The following PUDP variants were observed in gnomAD, a reference collection of about 807,000 sequenced individuals.
PUDP encodes the protein pseudouridine-5'-phosphatase.
PUDP carries 8 observed loss-of-function variants against 9.4 expected under a neutral mutation model. That is an observed-to-expected ratio of 0.85 (90% CI 0.50 to 1.53). The LOEUF is 1.53. Among genes scored for constraint, PUDP ranks in the 40% most tolerant of loss-of-function variants. The pLI, the probability that PUDP is intolerant of heterozygous loss-of-function variation, is 0.00. For synonymous variants in PUDP, 99 were observed against 80.7 expected (o/e 1.23, Z -1.22); for missense variants, 188 against 189.7 (o/e 0.99, Z 0.05).
Position 6,728,590 on chromosome X carries a change from T to C in PUDP, c.*248-22124A>G, listed in dbSNP as rs1305908425. 8.0e-5 allele frequency among the ~76,000 whole-genome samples: 9 copies of C among 112,083 alleles called. No homozygotes were observed. The East Asian group carries it at 2.2e-3, about 28-fold the overall frequency. Reference sequence around the variant, plus strand: ...CAGGGCACAAAGGGATTATGTGACTTGCCGAAAGTCACGTAGGCAGTGAGA... The same window carrying C: ...CAGGGCACAAAGGGATTATGTGACTCGCCGAAAGTCACGTAGGCAGTGAGA... On this transcript the variant is annotated intron_variant and NMD_transcript_variant, in intron 3 of 3. Coordinates refer to the PUDP transcript ENST00000655425.
At chrX:6,722,336 T>C (rs1924683759), upstream of PUDP, among the ~76,000 whole-genome samples, 1 of 108,318 alleles carries the variant, frequency 9.2e-6, no homozygotes, top group African/African-American at 3.4e-5. Context: ...TCCCAGGTAC[T>C]AAGGAGGCTG....
chrX:6,811,801 T>C (rs1020944867), intron 3 of PUDP, among the ~76,000 whole-genome samples: 2 of 112,054 alleles, frequency 1.8e-5, no homozygotes, highest in Non-Finnish European at 3.8e-5. Flanking sequence ...TATCTGTTAA[T>C]GCTTGCAGCT....
rs1191544502 is a variant in PUDP, at chrX:6,847,996, A to T, written c.*247+129137T>A. Reference sequence around the variant, plus strand: ...AGGATCAGGAATAAGAGAAACTGCAACATAGCTGAGTCCTGGGCTGGTTTA... The same window carrying T: ...AGGATCAGGAATAAGAGAAACTGCATCATAGCTGAGTCCTGGGCTGGTTTA... On this transcript the variant is annotated intron_variant and NMD_transcript_variant, in intron 3 of 3. Transcript: ENST00000655425. Among the ~76,000 whole-genome samples the T allele has an allele frequency of 1.8e-5, 2 of 112,283 alleles. 1 individual carries two copies. Among genetic ancestry groups the T allele is most frequent in the Admixed American group, 1.9e-4 (2 of 10,604 alleles).
intron 3 of PUDP, among the ~76,000 whole-genome samples, chrX:6,814,596 T>G (rs1468144934): frequency 9.0e-6 from 1 of 111,721 alleles, no homozygotes; most frequent in Non-Finnish European, 1.9e-5. Context: ...TGATGGCCTG[T>G]GGGAAAGCAA....
At chrX:6,997,480 T>C (rs1387887730) in intron 1 of PUDP, among the ~76,000 whole-genome samples, 2 of 112,303 alleles carry the variant, frequency 1.8e-5, no homozygotes, top group Non-Finnish European at 3.8e-5. Flanking sequence ...GAGAATCAAG[T>C]TGTGAAAGAA....
intron 3 of PUDP, among the ~76,000 whole-genome samples, chrX:7,072,953 G>T (rs947612042): frequency 4.5e-5 from 5 of 111,584 alleles, no homozygotes; most frequent in African/African-American, 1.6e-4. Context: ...TGGGAACAGA[G>T]AGCCCTGGGG....
chrX:7,077,084 C>T (rs1015264546), intron 3 of PUDP, 136 bp downstream of exon 3: 7 of 1,018,469 alleles, frequency 6.9e-6, no homozygotes, highest in Non-Finnish European at 7.8e-6. Context: ...GCCCACATAC[C>T]CAAGTTCTAG....
chrX:6,872,123 A>T (rs1182546162), intron 3 of PUDP, among the ~76,000 whole-genome samples: 5 of 110,619 alleles, frequency 4.5e-5, no homozygotes, highest in Non-Finnish European at 7.6e-5. Context: ...CCCAAGGCCC[A>T]TCTCTTAACA....
chrX:6,985,895 A>T (rs1929096569), intron 1 of PUDP, among the ~76,000 whole-genome samples: 1 of 111,640 alleles, frequency 9.0e-6, no homozygotes, highest in Non-Finnish European at 1.9e-5. Context: ...ATTCTAAGTC[A>T]CAGGGTGAGA....
intron 3 of PUDP, among the ~76,000 whole-genome samples, chrX:6,855,618 C>A (rs958185596): frequency 2.1e-4 from 23 of 111,807 alleles, no homozygotes; most frequent in African/African-American, 7.5e-4. Context: ...CACTTTTGAC[C>A]AGCATTTTAA....
intron 3 of PUDP, among the ~76,000 whole-genome samples, chrX:6,914,434 C>T (rs1243367786): frequency 7.2e-5 from 8 of 111,614 alleles, no homozygotes; most frequent in Admixed American, 5.7e-4. Flanking sequence ...CTTTTCGCGA[C>T]GCAGTCTGTG....
At chrX:7,097,779 G>C (rs1484064303) in intron 2 of PUDP, among the ~76,000 whole-genome samples, 2 of 111,463 alleles carry the variant, frequency 1.8e-5, no homozygotes, top group East Asian at 2.8e-4. Context: ...TGGAAAGGGT[G>C]GGGGTGTATC....
chrX:7,147,639 C>G (rs886174646), intron 1 of PUDP, among the ~76,000 whole-genome samples: 1 of 112,287 alleles, frequency 8.9e-6, no homozygotes, highest in Non-Finnish European at 1.9e-5. Flanking sequence ...GACGGGGAAG[C>G]TGAGGCTGGG....
chrX:6,732,413 T>TAC (rs1159122882), intron 3 of PUDP, among the ~76,000 whole-genome samples: 23 of 110,779 alleles, frequency 2.1e-4, no homozygotes, highest in East Asian at 5.6e-4. Flanking sequence ...CATACTCTCA[T>TAC]ACACACACAC....
chrX:6,868,012 T>C (rs1165685724), intron 3 of PUDP, among the ~76,000 whole-genome samples: 1 of 111,364 alleles, frequency 9.0e-6, no homozygotes, highest in Non-Finnish European at 1.9e-5. Flanking sequence ...TCACCTCTTC[T>C]TAGGCCCTAC....
chrX:6,811,369 C>G (rs2146701098), intron 3 of PUDP, among the ~76,000 whole-genome samples: 1 of 110,817 alleles, frequency 9.0e-6, no homozygotes, highest in South Asian at 4.0e-4. Flanking sequence ...CGCTGGAGTG[C>G]AATGGTGTGA....
At position 7,007,866 on chromosome X, in the gene PUDP, T is replaced by C. The variant is rs1474915431; in HGVS notation, c.205-29523A>G. ...AAAAGGATTGTGGGGATTTTCATCA[T>C]TCATTAACGATTATCTTATTCTTTG... On this transcript the variant is annotated intron_variant and NMD_transcript_variant, in intron 1 of 3. Coordinates refer to the PUDP transcript ENST00000655425. Among the ~76,000 whole-genome samples, 3 of 112,293 alleles carry C rather than the reference T, an allele frequency of 2.7e-5. No homozygotes were observed. In the East Asian group the frequency reaches 8.4e-4, roughly 31 times the overall value.
At chrX:6,974,942 C>T (rs1370323563) in intron 3 of PUDP, among the ~76,000 whole-genome samples, 3 of 109,472 alleles carry the variant, frequency 2.7e-5, no homozygotes, top group Non-Finnish European at 5.7e-5. Flanking sequence ...CTTGTCTTCA[C>T]ACTTTATTTC....
At chrX:6,860,540 G>A (rs1376263016) in intron 3 of PUDP, among the ~76,000 whole-genome samples, 4 of 107,525 alleles carry the variant, frequency 3.7e-5, no homozygotes, top group Non-Finnish European at 5.8e-5. Flanking sequence ...GCATGATCTC[G>A]GCTCACTGCA....
Sources: gnomAD v4.1 joint callset for allele counts (sites outside exome capture counted in the v4.1 genomes callset) on GRCh38, gnomAD v4.1.1 for gene constraint, MANE v1.5 for transcripts, NCBI Gene and HGNC (gene_info 2026-07-23, HGNC 2026-07-21) for gene names.